VPS13C: variants seen among roughly 807,000 people sequenced by gnomAD.
The protein encoded by VPS13C is vacuolar protein sorting 13 homolog C.
A neutral mutation model predicts 456.8 loss-of-function variants in VPS13C; 358 were observed. That is an observed-to-expected ratio of 0.78 (90% CI 0.72 to 0.86). The LOEUF (loss-of-function observed/expected upper bound fraction) is 0.86. VPS13C is among the 40% of genes least tolerant of loss of function. The pLI, the probability that VPS13C is intolerant of heterozygous loss-of-function variation, is 0.00. For missense variants in VPS13C, 4,818 were observed against 4,385.4 expected (o/e 1.10, Z -2.79); for synonymous variants, 1,578 against 1,486.7 (o/e 1.06, Z -1.41).
chr15:62,012,239 C>CACACAT, intron 11 of VPS13C, 75 bp from the exon 12 acceptor site: 1 of 692,376 alleles, frequency 1.4e-6, no homozygotes, highest in Non-Finnish European at 2.5e-6. Context: ...CACACACACA[C>CACACAT]ACACACACAC....
intron 1 of VPS13C, among the ~76,000 whole-genome samples, chr15:62,052,669 T>A (rs1287502529): frequency 6.1e-5 from 6 of 97,718 alleles, no homozygotes; most frequent in African/African-American, 2.7e-4. Flanking sequence ...CAAGACTCCG[T>A]CTCAAAAAAA....
intron 26 of VPS13C, 31 bp from the exon 27 acceptor site, chr15:61,972,795 G>A (rs773635856): frequency 6.3e-7 from 1 of 1,577,138 alleles, no homozygotes; most frequent in Admixed American, 1.8e-5. Context: ...TTTGATCTGA[G>A]ACAATGTACA....
intron 4 of VPS13C, 120 bp downstream of exon 4, chr15:62,034,837 T>A (rs990891853): frequency 1.2e-5 from 7 of 607,028 alleles, no homozygotes; most frequent in Non-Finnish European, 1.9e-5. Context: ...CATCTATGTA[T>A]GATTCATTTA....
chr15:62,055,917 C>T (rs2048779537), intron 1 of VPS13C, among the ~76,000 whole-genome samples: 2 of 152,118 alleles, frequency 1.3e-5, no homozygotes, highest in Non-Finnish European at 2.9e-5. Context: ...GGAAGTTGTC[C>T]TCTGCATTGT....
In VPS13C at chr15:61,978,724, TG is replaced by T. The variant is rs766691561; in HGVS notation, c.2191del (p.Gln731ArgfsTer11). 6.2e-7 allele frequency: 1 copy of T among 1,608,004 alleles called. No individual in the cohort carries two copies. The highest frequency in any genetic ancestry group is 1.7e-5 in the Admixed American group (1 of 58,900). The part of the protein sequence containing the change: ...FQLNSKDQGL[Q>X]KTTNSSLEEI... ...TTCCAGAGATGAATTAGTAGTCTTC[TG>T]TAAACCTTGATCTTTACTGTTGAGC... On this transcript the variant is annotated frameshift_variant, in exon 23 of 85. Transcript: ENST00000644861. LOFTEE classifies it high-confidence loss of function.
intron 32 of VPS13C, 100 bp downstream of exon 32, chr15:61,963,735 C>A: frequency 1.2e-6 from 1 of 843,350 alleles, no homozygotes; most frequent in Non-Finnish European, 1.9e-6. Flanking sequence ...GGTTTCACAG[C>A]TTAGAGCCCT....
intron 34 of VPS13C, among the ~76,000 whole-genome samples, chr15:61,962,167 A>T (rs971089714): frequency 3.9e-5 from 6 of 152,164 alleles, no homozygotes; most frequent in African/African-American, 1.4e-4. Flanking sequence ...ATATTGTAGC[A>T]AAAATAATTT....
intron 15 of VPS13C, among the ~76,000 whole-genome samples, chr15:62,002,988 G>C (rs983910965): frequency 2.0e-5 from 3 of 152,150 alleles, no homozygotes; most frequent in Non-Finnish European, 4.4e-5. Flanking sequence ...GCTCAGGATT[G>C]ACTTGGCAAT....
At chr15:61,933,607 CATAAT>C (rs2044132270) in intron 49 of VPS13C, among the ~76,000 whole-genome samples, 1 of 151,700 alleles carries the variant, frequency 6.6e-6, no homozygotes, top group South Asian at 2.1e-4. Flanking sequence ...TAATGTATGA[CATAAT>C]ATAATTAAAA....
Position 61,958,590 on chromosome 15 carries a change from T to G in VPS13C, c.4165+18A>C. On this transcript the variant is annotated intron_variant, in intron 37 of 84. Transcript: ENST00000644861. Reference sequence around the variant, plus strand: ...AATAGACACATATGTATATTGCCACTTACTGTCAGCCTCTTACCTGTCTCT... The same window carrying G: ...AATAGACACATATGTATATTGCCACGTACTGTCAGCCTCTTACCTGTCTCT... 1 of 1,386,022 alleles carries G rather than the reference T, an allele frequency of 7.2e-7. No individual in the cohort carries two copies. 85.9% of individuals were successfully genotyped at this position (1,386,022 alleles called of 1,614,324 possible).
intron 13 of VPS13C, among the ~76,000 whole-genome samples, chr15:62,009,916 G>A (rs139463026): frequency 0.011 from 1,678 of 152,190 alleles, 41 homozygotes; most frequent in African/African-American, 0.039. Flanking sequence ...GGCCAGGCGC[G>A]GTAGCTCACG....
At chr15:61,979,241 T>A (rs1160010788) in intron 22 of VPS13C, among the ~76,000 whole-genome samples, 1 of 152,226 alleles carries the variant, frequency 6.6e-6, no homozygotes, top group African/African-American at 2.4e-5. Flanking sequence ...CAAGGGATCT[T>A]CAAAAAGTTG....
chr15:62,017,754 G>T (rs1166269301), intron 9 of VPS13C, among the ~76,000 whole-genome samples: 1 of 152,158 alleles, frequency 6.6e-6, no homozygotes, highest in African/African-American at 2.4e-5. Context: ...GCTTAGGATT[G>T]ACTTGGCAAT....
rs1300317679 is a variant in VPS13C, at chr15:61,947,181, G to A, written c.4876+12C>T. 2.7e-6 allele frequency: 4 copies of A among 1,494,942 alleles called. No homozygotes were observed. Among genetic ancestry groups the A allele is most frequent in the Non-Finnish European group, 3.6e-6 (4 of 1,102,976 alleles). The allele number at this position is 1,494,942 out of a possible 1,614,324, so 92.6% of individuals were successfully genotyped here. A position where few individuals can be genotyped will look rare whatever the true frequency, so the allele number is the denominator to read the frequency against. ...GAAACAGAAATACCTACAACAAGAA[G>A]TAACTACTTACCATGTATTTTAATA... On this transcript the variant is annotated intron_variant, in intron 43 of 84. Transcript: ENST00000644861.
chr15:62,026,920 G>A (rs141113166), intron 6 of VPS13C, among the ~76,000 whole-genome samples: 22 of 152,154 alleles, frequency 1.4e-4, no homozygotes, highest in African/African-American at 4.6e-4. Context: ...CCACTGCCTT[G>A]AATCATGCTA....
chr15:61,940,732 A>T lies in VPS13C; in HGVS notation c.5516T>A (p.Leu1839His), dbSNP rs1426350565. 1 of 1,613,814 alleles carries T rather than the reference A, an allele frequency of 6.2e-7. No individual in the cohort carries two copies. Among genetic ancestry groups the T allele is most frequent in the Admixed American group, 1.7e-5 (1 of 60,028 alleles). ...DIEILKPVNM[L>H]LSIQRNLAAA... is the part of the protein sequence containing the mutation. The stretch of plus-strand genomic sequence containing the variant: ...TGCTAAGTTTCGCTGTATGGACAAA[A>T]GCATGTTGACTGGTTTTAAAATTTC... Residue 1839 changes from leucine to histidine, a missense_variant, in exon 47 of 85, where the codon CTT becomes CAT. Leu to His is a moderately conservative substitution (Grantham distance 99). Around this residue, in one of 3 missense-constraint regions of VPS13C, gnomAD observed 4,552 missense variants for 4,130.6 expected, o/e 1.10. Transcript: ENST00000644861.
chr15:61,859,295 C>T (rs1033283742), intron 82 of VPS13C, among the ~76,000 whole-genome samples: 4 of 151,984 alleles, frequency 2.6e-5, no homozygotes, highest in Admixed American at 6.6e-5. Context: ...CCAGAGAAGT[C>T]GAGAATGCAG....
intron 13 of VPS13C, among the ~76,000 whole-genome samples, chr15:62,009,374 AG>A (rs1555442369): frequency 2.0e-5 from 3 of 150,742 alleles, no homozygotes; most frequent in Non-Finnish European, 4.4e-5. Context: ...AAAAAAAAAA[AG>A]GGGGCAAGTC....
intron 22 of VPS13C, 87 bp from the exon 23 acceptor site, chr15:61,978,836 T>C: frequency 7.4e-7 from 1 of 1,357,744 alleles, no homozygotes. Flanking sequence ...CAGTCTTGCA[T>C]TTAGTTAGTT....
Sources: allele counts gnomAD v4.1 joint callset (sites outside exome capture counted in the v4.1 genomes callset), GRCh38; gene constraint gnomAD v4.1.1; regional missense constraint gnomAD v4.1.1; transcripts MANE v1.5; gene names NCBI Gene and HGNC (gene_info 2026-07-23, HGNC 2026-07-21).